Variants in MFAP5 observed in about 807,000 individuals in gnomAD.
The protein encoded by MFAP5 is microfibril associated protein 5.
MFAP5 carries 19 observed loss-of-function variants against 30.1 expected under a neutral mutation model. That is an observed-to-expected ratio of 0.63 (90% CI 0.44 to 0.93). MFAP5 has a LOEUF of 0.93. Ranked by LOEUF, MFAP5 falls within the 40% of genes least tolerant of loss-of-function variation. The probability of loss-of-function intolerance (pLI) is 0.00; values close to 1 mark genes in which losing one functional copy is unlikely to be tolerated. For synonymous variants in MFAP5, 92 were observed against 72.9 expected, an observed-to-expected ratio of 1.26 and a Z score of -1.33; for missense variants, 210 against 221.3, an observed-to-expected ratio of 0.95 and a Z score of 0.32.
intron 3 of MFAP5, among the ~76,000 whole-genome samples, chr12:8,659,326 A>G (rs1942086562): frequency 6.6e-6 from 1 of 152,000 alleles, no homozygotes; most frequent in African/African-American, 2.4e-5. Context: ...AAAAAAAATA[A>G]AAGGGTCTCA....
chr12:8,652,803 A>G (rs570956978), intron 6 of MFAP5, among the ~76,000 whole-genome samples: 2 of 152,346 alleles, frequency 1.3e-5, no homozygotes, highest in East Asian at 1.9e-4. Flanking sequence ...CATTCAATGT[A>G]TATCCAACAG....
intron 9 of MFAP5, chr12:8,648,587 C>T: frequency 8.2e-7 from 1 of 1,221,074 alleles, no homozygotes; most frequent in Non-Finnish European, 1.1e-6. Context: ...TCCAATCATT[C>T]AGTATACATT....
intron 2 of MFAP5, among the ~76,000 whole-genome samples, 173 bp from the exon 3 acceptor site, chr12:8,661,071 A>G (rs1242206295): frequency 6.6e-6 from 1 of 152,196 alleles, no homozygotes; most frequent in African/African-American, 2.4e-5. Context: ...GAACAAAACC[A>G]ATAGGAATAG....
chr12:8,656,915 G>A (rs955660256), intron 3 of MFAP5, among the ~76,000 whole-genome samples: 5 of 151,844 alleles, frequency 3.3e-5, no homozygotes, highest in Admixed American at 2.6e-4. Flanking sequence ...TGATCTGCCC[G>A]CCTAGGCCTC....
In MFAP5 at chr12:8,660,910, G is replaced by A. The variant is rs1420460442; in HGVS notation, c.59-12C>T. 8 of 1,608,298 alleles carry A rather than the reference G, an allele frequency of 5.0e-6. No individual in the cohort carries two copies. Among genetic ancestry groups the A allele is most frequent in the Non-Finnish European group, 6.0e-6 (7 of 1,175,494 alleles). Reference sequence around the variant, plus strand: ...CAGGGGTATCCAGTCTATAGCAAAGGAAGAGAAAAGAGATGTGAGTGACTG... The same window carrying A: ...CAGGGGTATCCAGTCTATAGCAAAGAAAGAGAAAAGAGATGTGAGTGACTG... On this transcript the variant is annotated splice_polypyrimidine_tract_variant and intron_variant, in intron 2 of 9. Transcript: ENST00000359478.
intron 6 of MFAP5, among the ~76,000 whole-genome samples, chr12:8,653,867 A>G (rs554898561): frequency 3.9e-5 from 6 of 152,148 alleles, no homozygotes; most frequent in Non-Finnish European, 7.4e-5. Flanking sequence ...CTAGCCGCCT[A>G]TAATCCCAGC....
intron 6 of MFAP5, chr12:8,654,157 G>A (rs1591569514): frequency 3.2e-6 from 1 of 308,946 alleles, no homozygotes; most frequent in Non-Finnish European, 5.9e-6. Context: ...TTCAGTCAAA[G>A]CATTACTTCT....
chr12:8,657,559 G>C (rs1006859816), intron 3 of MFAP5, among the ~76,000 whole-genome samples: 23 of 149,528 alleles, frequency 1.5e-4, no homozygotes, highest in African/African-American at 5.7e-4. Flanking sequence ...CACATAGTTT[G>C]CTTTGACTTT....
rs1402461492 is a variant in MFAP5 at position 8,647,987 on chromosome 12, G to A, written c.*104C>T. On this transcript the variant is annotated 3_prime_UTR_variant, in exon 10 of 10. Transcript: ENST00000359478. ...AAAGCTGGACATTGCAAAAGGATTG[G>A]TTTAAGAAATACTGTCTAAGGGTTA... The A allele has an allele frequency of 3.8e-6, 3 of 798,030 alleles. No homozygotes were observed. Among genetic ancestry groups the A allele is most frequent in the Non-Finnish European group, 4.0e-6 (2 of 506,328 alleles). 49.4% of individuals were successfully genotyped at this position (798,030 alleles called of 1,614,324 possible).
At chr12:8,655,879 C>G in intron 3 of MFAP5, 49 bp from the exon 4 acceptor site, 1 of 1,517,458 alleles carries the variant, frequency 6.6e-7, no homozygotes, top group Non-Finnish European at 9.1e-7. Context: ...GTCTCCCTGC[C>G]ACCCTTGCAC....
At chr12:8,649,913 C>T (rs911293063) in intron 8 of MFAP5, among the ~76,000 whole-genome samples, 1 of 152,128 alleles carries the variant, frequency 6.6e-6, no homozygotes, top group Non-Finnish European at 1.5e-5. Context: ...CAATGTGTAG[C>T]CTTTATCCCT....
intron 9 of MFAP5, 86 bp from the exon 10 acceptor site, chr12:8,648,289 G>C: frequency 8.8e-7 from 1 of 1,142,710 alleles, no homozygotes; most frequent in Admixed American, 2.4e-5. Context: ...ACTTTTCAGT[G>C]TGGTGTAGTG....
chr12:8,650,049 A>G (rs901388965), intron 8 of MFAP5, among the ~76,000 whole-genome samples: 1 of 152,124 alleles, frequency 6.6e-6, no homozygotes, highest in Non-Finnish European at 1.5e-5. Flanking sequence ...TTCATTGTTT[A>G]GTTACTTCAT....
In MFAP5 at chr12:8,655,975, C is replaced by G. The variant is rs868313035; in HGVS notation, c.95-145G>C. The G allele has an allele frequency of 2.1e-5, 14 of 674,874 alleles. No homozygotes were observed. The African/African-American group carries it at 2.1e-4, about 10-fold the overall frequency. 41.8% of individuals were successfully genotyped at this position (674,874 alleles called of 1,614,324 possible). The stretch of plus-strand genomic sequence containing the variant: ...TTTCCTTGACTGCTTACAATAATGA[C>G]AAACGATTGATGACTTCTTTGCAAT... On this transcript the variant is annotated intron_variant, in intron 3 of 9. Transcript: ENST00000359478.
Position 8,651,562 on chromosome 12 carries a change from T to C in MFAP5, c.247+100A>G, listed in dbSNP as rs969950033. ...ATACTCTTTGAGAAATAATTGGAAG[T>C]AAACTAGAAGATGTGCCAAGTACCC... On this transcript the variant is annotated intron_variant, in intron 7 of 9. Coordinates refer to ENST00000359478, the MANE Select transcript of MFAP5 (RefSeq NM_003480.4). 2.5e-6 allele frequency: 3 copies of C among 1,197,894 alleles called. No individual in the cohort carries two copies. In the East Asian group the frequency reaches 7.0e-5, roughly 28 times the overall value. The allele number at this position is 1,197,894 out of a possible 1,614,324, so 74.2% of individuals were successfully genotyped here.
chr12:8,655,572 G>A (rs1465708625), intron 4 of MFAP5, 125 bp from the exon 5 acceptor site: 2 of 1,055,488 alleles, frequency 1.9e-6, no homozygotes, highest in Non-Finnish European at 1.4e-6. Flanking sequence ...GTGGACTCGG[G>A]CAGATGAGGG....
intron 2 of MFAP5, 132 bp downstream of exon 2, chr12:8,661,915 T>C (rs1942162032): frequency 1.3e-5 from 12 of 898,530 alleles, no homozygotes; most frequent in Non-Finnish European, 2.1e-5. Context: ...GTTCTTCTAA[T>C]AGGAATTCCA....
In MFAP5 at chr12:8,650,511, C is replaced by T. The variant is rs772721310; in HGVS notation, c.326G>A (p.Cys109Tyr). ...TTCTGGGATCCCTTACCTGGTGAAG[C>T]ATAACTGATGAATGCATTGTTTAAC... ...RPVKQCIHQL[C>Y]FTSLRRMYIV... The change falls in exon 8 of 10, where the codon TGC becomes TAC. Residue 109 changes from cysteine to tyrosine, a missense_variant. Coordinates refer to ENST00000359478, the MANE Select transcript of MFAP5 (RefSeq NM_003480.4). The T allele has an allele frequency of 1.9e-6, 3 of 1,614,002 alleles. No individual in the cohort carries two copies. The South Asian group carries it at 3.3e-5, about 18-fold the overall frequency.
intron 2 of MFAP5, 99 bp from the exon 3 acceptor site, chr12:8,660,997 A>G (rs1278863107): frequency 7.6e-6 from 8 of 1,046,462 alleles, no homozygotes; most frequent in Non-Finnish European, 1.0e-5. Context: ...AAATGGTTAT[A>G]CTTTATCTTT....
Sources: gnomAD v4.1 joint callset for allele counts (sites outside exome capture counted in the v4.1 genomes callset) on GRCh38, gnomAD v4.1.1 for gene constraint, MANE v1.5 for transcripts, NCBI Gene and HGNC (gene_info 2026-07-23, HGNC 2026-07-21) for gene names.